Variants in DNAI4 observed in about 807,000 individuals in gnomAD.
DNAI4 encodes WD repeat domain 78.
A neutral mutation model predicts 105.8 loss-of-function variants in DNAI4; 85 were observed. The observed-to-expected ratio is 0.80, with a 90% CI of 0.67 to 0.96. The LOEUF is 0.96. Ranked by LOEUF, DNAI4 falls within the 40% of genes least tolerant of loss-of-function variation. The pLI is 0.00. For missense variants in DNAI4, 1,014 were observed against 1,005.6 expected (o/e 1.01, Z -0.11); for synonymous variants, 352 against 331.5 (o/e 1.06, Z -0.67).
At chr1:66,846,953 A>G (rs186709532) in intron 8 of DNAI4, among the ~76,000 whole-genome samples, 1 of 152,344 alleles carries the variant, frequency 6.6e-6, no homozygotes, top group Admixed American at 6.5e-5. Flanking sequence ...TGCTTCTGCA[A>G]TAGATTTGGG....
At chr1:66,837,314 G>C (rs370234833) in intron 10 of DNAI4, among the ~76,000 whole-genome samples, 1 of 138,950 alleles carries the variant, frequency 7.2e-6, no homozygotes, top group African/African-American at 2.7e-5. Flanking sequence ...GCAGTGAGTC[G>C]AGATTGCGCC....
At chr1:66,916,490 C>T (rs747775476) in intron 1 of DNAI4, among the ~76,000 whole-genome samples, 13 of 152,110 alleles carry the variant, frequency 8.5e-5, no homozygotes, top group African/African-American at 1.2e-4. Context: ...TCAAAATAAA[C>T]GGCATCCCTG....
chr1:66,839,465 G>A (rs1481611843), intron 9 of DNAI4, among the ~76,000 whole-genome samples: 1 of 152,098 alleles, frequency 6.6e-6, no homozygotes, highest in East Asian at 1.9e-4. Flanking sequence ...CAACTGTCTT[G>A]TTTGCACATA....
chr1:66,888,305 C>T (rs767650632), intron 4 of DNAI4, among the ~76,000 whole-genome samples: 7 of 151,734 alleles, frequency 4.6e-5, no homozygotes, highest in Non-Finnish European at 8.8e-5. Flanking sequence ...CATTCTAGAG[C>T]GAGGAAGCAC....
rs1229129527 is a variant in DNAI4, at chr1:66,813,409, T to A, written c.*721A>T. The A allele has an allele frequency of 1.3e-5, 2 of 152,290 alleles. No homozygotes were observed. Among genetic ancestry groups the A allele is most frequent in the Non-Finnish European group, 1.5e-5 (1 of 68,030 alleles). 9.4% of individuals were successfully genotyped at this position (152,290 alleles called of 1,614,324 possible). Reference sequence around the variant, plus strand: ...ATAACATCCTGATGTGGCCTATAGATCAGAGACTTTATATTTTCTATCTGG... The same window carrying A: ...ATAACATCCTGATGTGGCCTATAGAACAGAGACTTTATATTTTCTATCTGG... On this transcript the variant is annotated 3_prime_UTR_variant, in exon 17 of 17. Transcript: ENST00000371026.
chr1:66,924,051 G>A (rs1650864909), intron 1 of DNAI4, among the ~76,000 whole-genome samples: 1 of 152,246 alleles, frequency 6.6e-6, no homozygotes, highest in Non-Finnish European at 1.5e-5. Flanking sequence ...GCTCTTGAAC[G>A]TCTGGGCACA....
At chr1:66,894,032 C>T (rs1648093981) in intron 2 of DNAI4, among the ~76,000 whole-genome samples, 1 of 152,120 alleles carries the variant, frequency 6.6e-6, no homozygotes, top group Non-Finnish European at 1.5e-5. Flanking sequence ...ATGCACAGTA[C>T]ATAATATTTG....
intron 6 of DNAI4, among the ~76,000 whole-genome samples, chr1:66,863,443 TTTTGTTTGTTTA>T (rs1453585235): frequency 1.3e-5 from 2 of 152,136 alleles, no homozygotes; most frequent in Non-Finnish European, 2.9e-5. Context: ...TTTTTTGTTT[TTTTGTTTGTTTA>T]TTTGTTTGTT....
intron 4 of DNAI4, among the ~76,000 whole-genome samples, chr1:66,889,528 T>C (rs1647417187): frequency 6.6e-6 from 1 of 152,208 alleles, no homozygotes; most frequent in South Asian, 2.1e-4. Context: ...TAAATATTTG[T>C]TCAATTCTTG....
At chr1:66,873,833 T>C (rs1476926581) in intron 5 of DNAI4, among the ~76,000 whole-genome samples, 1 of 151,386 alleles carries the variant, frequency 6.6e-6, no homozygotes, top group Non-Finnish European at 1.5e-5. Context: ...TATCTGTCCC[T>C]TTCTTTTTTC....
intron 1 of DNAI4, among the ~76,000 whole-genome samples, chr1:66,910,928 G>C (rs376264955): frequency 6.6e-6 from 1 of 152,116 alleles, no homozygotes; most frequent in African/African-American, 2.4e-5. Flanking sequence ...GGCCAAATGC[G>C]TAGGGTTTCT....
intron 5 of DNAI4, among the ~76,000 whole-genome samples, chr1:66,872,098 T>A (rs151063112): frequency 8.5e-5 from 13 of 152,212 alleles, no homozygotes; most frequent in Admixed American, 2.6e-4. Context: ...CATACTAATG[T>A]GTTCTCTGGT....
At chr1:66,851,660 TA>T (rs1001186110) in intron 7 of DNAI4, among the ~76,000 whole-genome samples, 3 of 151,816 alleles carry the variant, frequency 2.0e-5, no homozygotes, top group African/African-American at 7.2e-5. Context: ...CTTAGAATCT[TA>T]AAAAAACAAA....
chr1:66,865,670 C>T (rs1450883976), intron 6 of DNAI4, among the ~76,000 whole-genome samples: 2 of 152,162 alleles, frequency 1.3e-5, no homozygotes, highest in Non-Finnish European at 2.9e-5. Flanking sequence ...TAGACAAGCA[C>T]AGACTTCCTC....
At position 66,816,727 on chromosome 1, in the gene DNAI4, TCACACACACACACACA is replaced by T. The variant is rs57920483; in HGVS notation, c.2497-2563_2497-2548del. ...AAAATTATTCTTACCAGCCTTGAAA[TCACACACACACACACA>T]CACACACACACACACACACACACAC... On this transcript the variant is annotated intron_variant, in intron 16 of 16. Transcript: ENST00000371026. 6.1e-3 allele frequency among the ~76,000 whole-genome samples: 837 copies of T among 137,766 alleles called. 9 individuals carry two copies. Among genetic ancestry groups the T allele is most frequent in the African/African-American group, 0.021 (762 of 37,016 alleles). 90.4% of individuals were successfully genotyped at this position (137,766 alleles called of 152,430 possible).
chr1:66,839,983 G>C (rs1646114334), intron 9 of DNAI4, among the ~76,000 whole-genome samples: 2 of 152,142 alleles, frequency 1.3e-5, no homozygotes. Context: ...TATACTAAGT[G>C]CTGTTTAAGC....
At chr1:66,864,807 C>G (rs1257656387) in intron 6 of DNAI4, among the ~76,000 whole-genome samples, 1 of 152,204 alleles carries the variant, frequency 6.6e-6, no homozygotes, top group Non-Finnish European at 1.5e-5. Flanking sequence ...TGCCACTGCA[C>G]TCCAGCCTGG....
At chr1:66,869,042 C>A (rs1017950848) in intron 6 of DNAI4, among the ~76,000 whole-genome samples, 1 of 151,050 alleles carries the variant, frequency 6.6e-6, no homozygotes, top group Non-Finnish European at 1.5e-5. Context: ...CCACTGCACT[C>A]CAGCCTGGCG....
At chr1:66,816,233 G>A (rs1313194150) in intron 16 of DNAI4, among the ~76,000 whole-genome samples, 3 of 152,058 alleles carry the variant, frequency 2.0e-5, no homozygotes, top group African/African-American at 2.4e-5. Flanking sequence ...AGTCCTGAAA[G>A]GCACTGATAA....
Sources: gnomAD v4.1 joint callset for allele counts (sites outside exome capture counted in the v4.1 genomes callset) on GRCh38, gnomAD v4.1.1 for gene constraint, MANE v1.5 for transcripts, NCBI Gene and HGNC (gene_info 2026-07-23, HGNC 2026-07-21) for gene names.